Variants in GALNTL6 observed in about 807,000 individuals in gnomAD.
The protein encoded by GALNTL6 is polypeptide N-acetylgalactosaminyltransferase-like 6.
In GALNTL6, 46 loss-of-function variants were observed where a neutral mutation model predicts 73.7. The ratio of observed to expected loss-of-function variants is 0.62; its 90% confidence interval spans 0.49 to 0.80. The LOEUF (loss-of-function observed/expected upper bound fraction) is 0.80, where lower values mean the gene tolerates loss of function less well. Among genes scored for constraint, GALNTL6 ranks in the 30% least tolerant of loss-of-function variants. The pLI is 0.00. For synonymous variants in GALNTL6, 259 were observed against 263.7 expected, an observed-to-expected ratio of 0.98 and a Z score of 0.17; for missense variants, 604 against 755.0, an observed-to-expected ratio of 0.80 and a Z score of 2.34.
rs77022148 is a variant in GALNTL6 at position 173,011,901 on chromosome 4, G to A, written c.1488+2607G>A. ...AAAATTGCCTTTGCTCTCTTTTAGC[G>A]TTTTCGTTTCTTGTATTTTAGAGAT... On this transcript the variant is annotated intron_variant, in intron 11 of 12. Transcript: ENST00000506823. 6.5e-3 allele frequency among the ~76,000 whole-genome samples: 994 copies of A among 152,134 alleles called. 9 individuals are homozygous for A. Among genetic ancestry groups the A allele is most frequent in the African/African-American group, 0.023 (955 of 41,494 alleles).
chr4:172,375,035 G>A (rs1192756050), intron 5 of GALNTL6, among the ~76,000 whole-genome samples: 1 of 152,218 alleles, frequency 6.6e-6, no homozygotes, highest in Non-Finnish European at 1.5e-5. Flanking sequence ...TGGGGGGTTA[G>A]TGGTCCTTTG....
At chr4:172,725,486 T>C (rs2111371814) in intron 5 of GALNTL6, among the ~76,000 whole-genome samples, 1 of 152,252 alleles carries the variant, frequency 6.6e-6, no homozygotes, top group East Asian at 1.9e-4. Context: ...ATATAAGGGG[T>C]TGTAATATAA....
At position 172,922,070 on chromosome 4, in the gene GALNTL6, C is replaced by T. The variant is rs142362421; in HGVS notation, c.1042-9091C>T. Among the ~76,000 whole-genome samples the T allele has an allele frequency of 8.1e-3, 1,232 of 152,174 alleles. 13 individuals are homozygous for T. The highest frequency in any genetic ancestry group is 0.026 in the African/African-American group (1,062 of 41,510). The stretch of plus-strand genomic sequence containing the variant: ...GGGCTGGTCTTTCCCATGCTATTCT[C>T]GTGATAGTGAATAAGTCTCATGAGA... On this transcript the variant is annotated intron_variant, in intron 8 of 12. Coordinates refer to ENST00000506823, the MANE Select transcript of GALNTL6 (RefSeq NM_001034845.3).
intron 2 of GALNTL6, among the ~76,000 whole-genome samples, chr4:172,112,367 GT>G (rs1232331938): frequency 1.3e-5 from 2 of 152,056 alleles, no homozygotes; most frequent in African/African-American, 4.8e-5. Context: ...CCATGTGTAG[GT>G]TTTTTTGTGG....
chr4:172,439,017 C>T (rs1731735743), intron 5 of GALNTL6, among the ~76,000 whole-genome samples: 1 of 151,994 alleles, frequency 6.6e-6, no homozygotes, highest in Non-Finnish European at 1.5e-5. Context: ...GAGGACACTA[C>T]ATTTGCAAAT....
At chr4:172,380,183 C>T (rs779808584) in intron 5 of GALNTL6, 4 of 1,023,212 alleles carry the variant, frequency 3.9e-6, no homozygotes, top group African/African-American at 1.6e-5. Flanking sequence ...CAGAACTGTG[C>T]GGATCTGCAG....
intron 5 of GALNTL6, among the ~76,000 whole-genome samples, chr4:172,635,673 A>G (rs945093086): frequency 2.6e-5 from 4 of 152,200 alleles, no homozygotes; most frequent in Non-Finnish European, 5.9e-5. Flanking sequence ...CATTCCTTGT[A>G]AAACATAGCA....
intron 5 of GALNTL6, among the ~76,000 whole-genome samples, chr4:172,586,458 G>T (rs1440065167): frequency 1.4e-5 from 2 of 141,594 alleles, no homozygotes; most frequent in Non-Finnish European, 1.5e-5. Context: ...ACCAACAGTA[G>T]TTGCTCTGGG....
chr4:172,316,525 C>T (rs1019624541), intron 4 of GALNTL6, among the ~76,000 whole-genome samples: 7 of 152,104 alleles, frequency 4.6e-5, no homozygotes, highest in Admixed American at 3.3e-4. Flanking sequence ...AGTGTTCTCT[C>T]AACACTCAAT....
chr4:172,108,046 C>A (rs1732736954), intron 2 of GALNTL6, among the ~76,000 whole-genome samples: 1 of 152,124 alleles, frequency 6.6e-6, no homozygotes, highest in South Asian at 2.1e-4. Flanking sequence ...ACAAAATATT[C>A]CTACTTATTC....
At chr4:171,903,297 G>A (rs920313766) in intron 2 of GALNTL6, among the ~76,000 whole-genome samples, 4 of 151,928 alleles carry the variant, frequency 2.6e-5, no homozygotes, top group East Asian at 3.9e-4. Context: ...CACCGTGCGC[G>A]AGCTGAAGCA....
rs112662872 is a variant in GALNTL6, at chr4:171,816,573, C to A, written c.138+1855C>A. On this transcript the variant is annotated intron_variant, in intron 2 of 12. Coordinates refer to ENST00000506823, the MANE Select transcript of GALNTL6 (RefSeq NM_001034845.3). ...ATTGTATGACATTCCAGTTTAATAA[C>A]TCTATGTAGAGGCTTTGAAACCAAG... Among the ~76,000 whole-genome samples, 1,042 of 152,030 alleles carry A rather than the reference C, an allele frequency of 6.9e-3. 12 individuals are homozygous for A. The highest frequency in any genetic ancestry group is 0.024 in the African/African-American group (976 of 41,516).
chr4:172,583,621 G>T (rs1289873280), intron 5 of GALNTL6, among the ~76,000 whole-genome samples: 2 of 152,134 alleles, frequency 1.3e-5, no homozygotes, highest in African/African-American at 4.8e-5. Context: ...ATCGGATGCG[G>T]CTGGGCGAGG....
At chr4:172,572,097 C>T (rs1736784133) in intron 5 of GALNTL6, among the ~76,000 whole-genome samples, 1 of 151,980 alleles carries the variant, frequency 6.6e-6, no homozygotes, top group Admixed American at 6.5e-5. Context: ...TGACTATTAC[C>T]TCCTAGCAAG....
At chr4:172,037,148 C>G (rs975412548) in intron 2 of GALNTL6, among the ~76,000 whole-genome samples, 1 of 152,138 alleles carries the variant, frequency 6.6e-6, no homozygotes, top group African/African-American at 2.4e-5. Flanking sequence ...GCTAAGATAA[C>G]GGGCCCAGTG....
chr4:172,178,652 CTTTT>C (rs376927709), intron 2 of GALNTL6, among the ~76,000 whole-genome samples: 16 of 135,330 alleles, frequency 1.2e-4, no homozygotes, highest in East Asian at 2.2e-4. Context: ...GACACATTTT[CTTTT>C]TTTTTTTTTT....
rs1184690902 is a variant in GALNTL6 at position 172,290,323 on chromosome 4, A to G, written c.248-21291A>G. Among the ~76,000 whole-genome samples, 3 of 152,192 alleles carry G rather than the reference A, an allele frequency of 2.0e-5. No individual in the cohort carries two copies. In the East Asian group the frequency reaches 5.8e-4, roughly 29 times the overall value. On this transcript the variant is annotated intron_variant, in intron 3 of 12. Transcript: ENST00000506823. ...AACCATATTTGCTCTATCTGCATAG[A>G]TTTCAATAACAACAACAAAAAAAGA...
At chr4:173,001,870 G>A (rs1045512176) in intron 10 of GALNTL6, among the ~76,000 whole-genome samples, 1 of 152,172 alleles carries the variant, frequency 6.6e-6, no homozygotes, top group Non-Finnish European at 1.5e-5. Context: ...AACTACAAGT[G>A]TTGGCAAAAA....
intron 2 of GALNTL6, among the ~76,000 whole-genome samples, chr4:171,972,028 A>G (rs928763281): frequency 6.6e-6 from 1 of 152,114 alleles, no homozygotes; most frequent in African/African-American, 2.4e-5. Flanking sequence ...CCAGGCTTGA[A>G]TCCACTGTGG....
Sources: allele counts gnomAD v4.1 joint callset (sites outside exome capture counted in the v4.1 genomes callset), GRCh38; gene constraint gnomAD v4.1.1; transcripts MANE v1.5; gene names NCBI Gene and HGNC (gene_info 2026-07-23, HGNC 2026-07-21).